MMUT: variants seen among roughly 807,000 people sequenced by gnomAD.
MMUT encodes methylmalonyl-CoA mutase, mitochondrial.
In MMUT, 79 loss-of-function variants were observed where a neutral mutation model predicts 79.9. The ratio of observed to expected loss-of-function variants is 0.99; its 90% CI spans 0.82 to 1.19. The LOEUF (loss-of-function observed/expected upper bound fraction) is 1.19, where lower values mean the gene tolerates loss of function less well. Among genes scored for constraint, MMUT ranks in the 50% most tolerant of loss-of-function variants. The pLI is 0.00. For synonymous variants in MMUT, 273 were observed against 295.7 expected (o/e 0.92, Z 0.79); for missense variants, 860 against 917.2 (o/e 0.94, Z 0.81).
chr6:49,431,536 T>A lies in MMUT; in HGVS notation c.*192A>T, dbSNP rs1766974540. 1 of 481,546 alleles carries A rather than the reference T, an allele frequency of 2.1e-6. No homozygotes were observed. The highest frequency in any genetic ancestry group is 3.7e-6 in the Non-Finnish European group (1 of 267,902). The allele number at this position is 481,546 out of a possible 1,614,324, so 29.8% of individuals were successfully genotyped here. A position where few individuals can be genotyped will look rare whatever the true frequency, so the allele number is the denominator to read the frequency against. On this transcript the variant is annotated 3_prime_UTR_variant, in exon 13 of 13. Transcript: ENST00000274813. ...AGAGAGTTTTTAGGGATTTTTTTTTTATTTTTGAAGTGAAACTGTATGTAC... is the reference window on the plus strand; with the variant it reads ...AGAGAGTTTTTAGGGATTTTTTTTTAATTTTTGAAGTGAAACTGTATGTAC...
chr6:49,458,053 G>T lies in MMUT; in HGVS notation c.391C>A (p.Gln131Lys). 2 of 1,600,366 alleles carry T rather than the reference G, an allele frequency of 1.2e-6. No individual in the cohort carries two copies. Among genetic ancestry groups the T allele is most frequent in the South Asian group, 2.2e-5 (2 of 91,008 alleles). The change falls in exon 3 of 13, where the codon CAG becomes AAG. Residue 131 changes from glutamine (Q) to lysine (K), a missense_variant. Gln to Lys is a moderately conservative substitution (Grantham distance 53). Coordinates refer to ENST00000274813, the MANE Select transcript of MMUT (RefSeq NM_000255.4). ...TCAAAGGCAACTGATAATCCCTGCT[G>T]ACCAGCTAAATATATAAAGAAAAAT... ...KFYKDNIKAGQQGLSVAFDLA... is the reference protein window; with the variant it reads ...KFYKDNIKAGKQGLSVAFDLA...
chr6:49,431,654 G>T lies in MMUT; in HGVS notation c.*74C>A. The stretch of plus-strand genomic sequence containing the variant: ...AATCAGGTATTGAAATTAAATTGAA[G>T]ACATAGCTTTACTCTCTTCTTTGAT... On this transcript the variant is annotated 3_prime_UTR_variant, in exon 13 of 13. Transcript: ENST00000274813. 3 of 1,476,270 alleles carry T rather than the reference G, an allele frequency of 2.0e-6. No homozygotes were observed. The highest frequency in any genetic ancestry group is 1.2e-5 in the South Asian group (1 of 85,118). The allele number at this position is 1,476,270 out of a possible 1,614,324, so 91.4% of individuals were successfully genotyped here.
Position 49,441,951 on chromosome 6 carries a change from G to A in MMUT, c.1697C>T (p.Thr566Ile), listed in dbSNP as rs1767288356. The A allele has an allele frequency of 1.9e-6, 3 of 1,610,920 alleles. No individual in the cohort carries two copies. Among genetic ancestry groups the A allele is most frequent in the African/African-American group, 1.3e-5 (1 of 74,764 alleles). The change falls in exon 10 of 13, where the codon ACA becomes ATA. Residue 566 changes from threonine (T) to isoleucine (I), a missense_variant. By Grantham distance (89) the Thr-to-Ile change is moderately conservative. Transcript: ENST00000274813. ...ACCAAATACCTTTTTCAGGGCATCT[G>A]TGATTTCTCCCACTGTACATCTGAA... ...SRARCTVGEI[T>I]DALKKVFGEH...
intron 11 of MMUT, among the ~76,000 whole-genome samples, chr6:49,439,510 A>C (rs1256495117): frequency 1.3e-5 from 2 of 152,090 alleles, no homozygotes; most frequent in Non-Finnish European, 2.9e-5. Context: ...CCTGTTGCAG[A>C]GCCTTCTCCT....
In MMUT at chr6:49,440,233, A is replaced by G. The variant is rs1365555403; in HGVS notation, c.1929T>C (p.Phe643=). The change falls in exon 11 of 13, where the codon TTT becomes TTC. Residue 643 remains phenylalanine, a synonymous_variant. Coordinates refer to ENST00000274813, the MANE Select transcript of MMUT (RefSeq NM_000255.4). ...VIATGFADLG[F]DVDIGPLFQT... ...GGAAAAGAGGGCCTATGTCCACATC[A>G]AAACCAAGATCAGCAAATCCTGTAG... is the stretch of plus-strand genomic sequence containing the variant. 1 of 1,614,106 alleles carries G rather than the reference A, an allele frequency of 6.2e-7. No individual in the cohort carries two copies. Among genetic ancestry groups the G allele is most frequent in the Non-Finnish European group, 8.5e-7 (1 of 1,179,970 alleles).
intron 5 of MMUT, among the ~76,000 whole-genome samples, chr6:49,453,014 C>T (rs1012486998): frequency 4.7e-5 from 7 of 148,630 alleles, no homozygotes; most frequent in South Asian, 2.1e-4. Context: ...TTCTCATCAT[C>T]AAATTCTGTT....
Position 49,453,654 on chromosome 6 carries a change from C to T in MMUT, c.1014G>A (p.Gln338=), listed in dbSNP as rs767106240. 1 of 1,613,202 alleles carries T rather than the reference C, an allele frequency of 6.2e-7. No homozygotes were observed. The highest frequency in any genetic ancestry group is 1.1e-5 in the South Asian group (1 of 91,030). ...GAAGAAGAGATTTTGAGTTTTTAGG[C>T]TGAAACATTTTCTCTATTAAGTGAG... ...LWAHLIEKMF[Q]PKNSKSLLLR... The change falls in exon 5 of 13, where the codon CAG becomes CAA. Residue 338 remains glutamine (Q), a synonymous_variant. Coordinates refer to ENST00000274813, the MANE Select transcript of MMUT (RefSeq NM_000255.4).
chr6:49,439,443 T>C (rs781252265), intron 11 of MMUT, among the ~76,000 whole-genome samples: 1 of 152,132 alleles, frequency 6.6e-6, no homozygotes, highest in Non-Finnish European at 1.5e-5. Context: ...TCAAGCACCA[T>C]TGGATCTGCT....
chr6:49,451,078 CAAGA>C (rs1767539154), intron 6 of MMUT, among the ~76,000 whole-genome samples: 1 of 151,854 alleles, frequency 6.6e-6, no homozygotes, highest in African/African-American at 2.4e-5. Context: ...GATAAAATTA[CAAGA>C]AATAGTATAC....
At chr6:49,449,164 G>A (rs1767487446) in intron 6 of MMUT, among the ~76,000 whole-genome samples, 1 of 152,032 alleles carries the variant, frequency 6.6e-6, no homozygotes, top group African/African-American at 2.4e-5. Flanking sequence ...AACCTCTTAA[G>A]TCTTGGGAGA....
chr6:49,459,626 T>G (rs1767789693), intron 1 of MMUT, 121 bp from the exon 2 acceptor site: 2 of 795,060 alleles, frequency 2.5e-6, no homozygotes, highest in African/African-American at 3.5e-5. Flanking sequence ...CTTCCCCTTT[T>G]CTGCTTCCTG....
At chr6:49,451,070 T>C (rs1263788695) in intron 6 of MMUT, among the ~76,000 whole-genome samples, 1 of 152,050 alleles carries the variant, frequency 6.6e-6, no homozygotes, top group African/African-American at 2.4e-5. Context: ...CTACAGTTGA[T>C]AAAATTACAA....
chr6:49,458,984 G>C (rs1045562517), intron 2 of MMUT, 98 bp downstream of exon 2: 3 of 1,210,988 alleles, frequency 2.5e-6, no homozygotes, highest in Non-Finnish European at 2.3e-6. Flanking sequence ...CAAAATTATA[G>C]AGTGAATATC....
intron 7 of MMUT, among the ~76,000 whole-genome samples, chr6:49,448,035 G>A (rs530502536): frequency 1.3e-5 from 2 of 151,864 alleles, no homozygotes; most frequent in Non-Finnish European, 2.9e-5. Context: ...ACTTTCCCAC[G>A]GTTTCTAATA....
chr6:49,443,352 C>T (rs562098628), intron 9 of MMUT, among the ~76,000 whole-genome samples: 26 of 152,254 alleles, frequency 1.7e-4, no homozygotes, highest in African/African-American at 6.3e-4. Context: ...TAAGCTCAGG[C>T]TTCCTCTCCT....
At chr6:49,431,957 T>G (rs988137193) in intron 12 of MMUT, 101 bp from the exon 13 acceptor site, 22 of 1,353,070 alleles carry the variant, frequency 1.6e-5, no homozygotes, top group Non-Finnish European at 2.2e-5. Flanking sequence ...CCCAAAACCT[T>G]CTCAACTGGT....
chr6:49,459,475 AT>A lies in MMUT; in HGVS notation c.-10del, dbSNP rs769577004. The stretch of plus-strand genomic sequence containing the variant: ...TTCTTAGCTCTTAACATGGTGGAGC[AT>A]GGAAACACCCAATAGAAATAAGAAC... On this transcript the variant is annotated 5_prime_UTR_variant, in exon 2 of 13. The change abolishes an upstream ATG in the 5' untranslated region. Coordinates refer to ENST00000274813, the MANE Select transcript of MMUT (RefSeq NM_000255.4). 6.2e-7 allele frequency: 1 copy of A among 1,608,752 alleles called. No individual in the cohort carries two copies. The highest frequency in any genetic ancestry group is 8.5e-7 in the Non-Finnish European group (1 of 1,179,946).
At chr6:49,433,738 A>G (rs1422657061) in intron 12 of MMUT, among the ~76,000 whole-genome samples, 1 of 152,222 alleles carries the variant, frequency 6.6e-6, no homozygotes, top group Non-Finnish European at 1.5e-5. Context: ...CTGTTTGATT[A>G]GCCACTAGAT....
intron 1 of MMUT, among the ~76,000 whole-genome samples, chr6:49,462,319 C>A (rs1270544262): frequency 6.6e-6 from 1 of 152,218 alleles, no homozygotes; most frequent in Non-Finnish European, 1.5e-5. Context: ...CAATAAGTTT[C>A]AAGCTTTGGC....
Sources: allele counts gnomAD v4.1 joint callset (sites outside exome capture counted in the v4.1 genomes callset), GRCh38; gene constraint gnomAD v4.1.1; transcripts MANE v1.5; gene names NCBI Gene and HGNC (gene_info 2026-07-23, HGNC 2026-07-21).